Variants in PHF21B observed in about 807,000 individuals in gnomAD.
The protein encoded by PHF21B is PHD finger protein 21B.
In PHF21B, 22 loss-of-function variants were observed where a neutral mutation model predicts 62.2. The ratio of observed to expected loss-of-function variants is 0.35; its 90% CI spans 0.25 to 0.51. PHF21B has a LOEUF of 0.51. Ranked by LOEUF, PHF21B falls within the 20% of genes least tolerant of loss-of-function variation. The pLI is 0.97. For missense variants in PHF21B, 701 were observed against 707.9 expected, an observed-to-expected ratio of 0.99 and a Z score of 0.11; for synonymous variants, 341 against 314.7, an observed-to-expected ratio of 1.08 and a Z score of -0.88.
Position 44,994,725 on chromosome 22 carries a change from C to T in PHF21B, c.120+13820G>A, listed in dbSNP as rs558229444. On this transcript the variant is annotated intron_variant, in intron 2 of 12. Transcript: ENST00000313237. ...GGCCCAGTGCTTCAGACCTACTTTC[C>T]TCCCCTGGCACCCACTTCATCTCAT... Among the ~76,000 whole-genome samples the T allele has an allele frequency of 6.6e-5, 10 of 152,342 alleles. No homozygotes were observed. The South Asian group carries it at 1.9e-3, about 28-fold the overall frequency.
rs570111550 is a variant in PHF21B at position 44,994,500 on chromosome 22, A to G, written c.120+14045T>C. On this transcript the variant is annotated intron_variant, in intron 2 of 12. Coordinates refer to ENST00000313237, the MANE Select transcript of PHF21B (RefSeq NM_138415.5). ...CCGGAGGGAGTGCGGCCCTGCTGAC[A>G]CTTTCCTTTCAGACTTCTGGCCTCC... Among the ~76,000 whole-genome samples, 65 of 152,344 alleles carry G rather than the reference A, an allele frequency of 4.3e-4. No individual in the cohort carries two copies. The South Asian group carries it at 0.012, about 28-fold the overall frequency.
intron 2 of PHF21B, among the ~76,000 whole-genome samples, chr22:44,985,370 C>T (rs1177406349): frequency 6.6e-6 from 1 of 152,196 alleles, no homozygotes; most frequent in Non-Finnish European, 1.5e-5. Flanking sequence ...AAGGCCAACA[C>T]TTGCAAGCTC....
In PHF21B at chr22:44,951,101, G is replaced by C. The variant is rs865880876; in HGVS notation, c.121-30611C>G. On this transcript the variant is annotated intron_variant, in intron 2 of 12. Coordinates refer to ENST00000313237, the MANE Select transcript of PHF21B (RefSeq NM_138415.5). ...AAGCCTGCCACCAGATGCAGCTTAA[G>C]CACCCGCCACTCACAGATATGGTTT... Among the ~76,000 whole-genome samples the C allele has an allele frequency of 4.1e-4, 63 of 152,228 alleles. No individual in the cohort carries two copies. In the Middle Eastern group the frequency reaches 0.014, roughly 33 times the overall value.
chr22:44,960,140 C>T (rs2072388479), intron 2 of PHF21B, among the ~76,000 whole-genome samples: 1 of 152,130 alleles, frequency 6.6e-6, no homozygotes, highest in Admixed American at 6.5e-5. Flanking sequence ...TAAACATCCG[C>T]CTGAAAAGAC....
chr22:45,008,615 G>A lies in PHF21B; in HGVS notation c.55-5C>T, dbSNP rs575064137. ...CTGCTTCTTGAGGTCGCCGTTCTGCGGAAACACGGAGGAGCGGGCTCAGGC... is the reference window on the plus strand; with the variant it reads ...CTGCTTCTTGAGGTCGCCGTTCTGCAGAAACACGGAGGAGCGGGCTCAGGC... On this transcript the variant is annotated splice_polypyrimidine_tract_variant and splice_region_variant and intron_variant, in intron 1 of 12. Coordinates refer to ENST00000313237, the MANE Select transcript of PHF21B (RefSeq NM_138415.5). The A allele has an allele frequency of 1.3e-6, 2 of 1,583,868 alleles. No homozygotes were observed. Among genetic ancestry groups the A allele is most frequent in the African/African-American group, 2.7e-5 (2 of 74,406 alleles).
At chr22:44,966,453 TTGG>T (rs2072527787) in intron 2 of PHF21B, among the ~76,000 whole-genome samples, 1 of 152,146 alleles carries the variant, frequency 6.6e-6, no homozygotes, top group Non-Finnish European at 1.5e-5. Context: ...ACTGGGAGCT[TTGG>T]GGCCACTGCA....
At chr22:44,885,569 A>G (rs1402666709) in intron 11 of PHF21B, 40 bp from the exon 12 acceptor site, 18 of 1,543,004 alleles carry the variant, frequency 1.2e-5, no homozygotes, top group Non-Finnish European at 1.6e-5. Context: ...AGGGGCAGGT[A>G]AGGAGCGGCT....
chr22:44,932,076 A>C (rs1443346578), intron 2 of PHF21B, among the ~76,000 whole-genome samples: 1 of 152,166 alleles, frequency 6.6e-6, no homozygotes, highest in Non-Finnish European at 1.5e-5. Flanking sequence ...AGGCCGTGTC[A>C]CTCAACAGAG....
At chr22:44,895,084 G>T (rs2071033728) in intron 6 of PHF21B, among the ~76,000 whole-genome samples, 1 of 152,238 alleles carries the variant, frequency 6.6e-6, no homozygotes. Context: ...GTTTACCAGG[G>T]TATGTGCTTT....
intron 2 of PHF21B, among the ~76,000 whole-genome samples, chr22:44,962,139 T>C (rs1053571669): frequency 1.3e-5 from 2 of 152,194 alleles, no homozygotes; most frequent in African/African-American, 2.4e-5. Flanking sequence ...GTTAATGGGA[T>C]TGCTGGGTCG....
chr22:45,007,713 AAGGGGCGGGTGTGCGAGTGCG>A lies in PHF21B; in HGVS notation c.120+811_120+831del, dbSNP rs1569290254. ...AAGGGGCGGGTGTGCGAGCGCGGGG[AAGGGGCGGGTGTGCGAGTGCG>A]GGGAGGGGGCGCGGCGGGGGAGGGG... On this transcript the variant is annotated intron_variant, in intron 2 of 12. Coordinates refer to ENST00000313237, the MANE Select transcript of PHF21B (RefSeq NM_138415.5). Among the ~76,000 whole-genome samples, 166 of 20,376 alleles carry A rather than the reference AAGGGGCGGGTGTGCGAGTGCG, an allele frequency of 8.1e-3. 3 individuals carry two copies. The highest frequency in any genetic ancestry group is 0.02 in the Non-Finnish European group (139 of 6,818). 13.4% of individuals were successfully genotyped at this position (20,376 alleles called of 152,430 possible). A position where few individuals can be genotyped will look rare whatever the true frequency, so the allele number is the denominator to read the frequency against.
At chr22:44,929,244 T>C (rs2071693178) in intron 2 of PHF21B, among the ~76,000 whole-genome samples, 1 of 152,200 alleles carries the variant, frequency 6.6e-6, no homozygotes, top group Non-Finnish European at 1.5e-5. Flanking sequence ...ACAGATGAAA[T>C]CCAACTGCCG....
intron 5 of PHF21B, among the ~76,000 whole-genome samples, chr22:44,897,440 T>C (rs553718801): frequency 6.6e-6 from 1 of 152,110 alleles, no homozygotes; most frequent in South Asian, 2.1e-4. Flanking sequence ...AAGACCCCTG[T>C]TGGTGACGGG....
At chr22:44,931,766 G>A (rs1205717605) in intron 2 of PHF21B, among the ~76,000 whole-genome samples, 2 of 152,118 alleles carry the variant, frequency 1.3e-5, no homozygotes, top group African/African-American at 4.8e-5. Flanking sequence ...CTGCCGTGGA[G>A]GGTGTCCGTG....
chr22:44,959,108 C>T (rs1264927479), intron 2 of PHF21B, among the ~76,000 whole-genome samples: 1 of 152,174 alleles, frequency 6.6e-6, no homozygotes, highest in East Asian at 1.9e-4. Flanking sequence ...GGCCTCCTCT[C>T]CCTCTCAGAT....
chr22:44,955,772 T>C lies in PHF21B; in HGVS notation c.121-35282A>G, dbSNP rs149489899. On this transcript the variant is annotated intron_variant, in intron 2 of 12. Coordinates refer to ENST00000313237, the MANE Select transcript of PHF21B (RefSeq NM_138415.5). ...TCACGGGACTTCTCAGCCTCCACCA[T>C]TGCAGGAGCTGGTTCCCCAGATCAA... 1.2e-3 allele frequency among the ~76,000 whole-genome samples: 190 copies of C among 152,268 alleles called. 1 individual carries two copies. The highest frequency in any genetic ancestry group is 4.2e-3 in the African/African-American group (176 of 41,560).
At chr22:44,975,723 C>T (rs2072725483) in intron 2 of PHF21B, among the ~76,000 whole-genome samples, 1 of 152,236 alleles carries the variant, frequency 6.6e-6, no homozygotes, top group Non-Finnish European at 1.5e-5. Context: ...AGAGGCTGCC[C>T]TGAGTGCTGT....
chr22:44,936,871 T>TTTC (rs59316509), intron 2 of PHF21B, among the ~76,000 whole-genome samples: 112 of 4,010 alleles, frequency 0.028, no homozygotes, highest in East Asian at 0.18. Flanking sequence ...ACTTTCTTTC[T>TTTC]TTTTTTTTTT....
At chr22:44,984,835 C>A (rs2072918231) in intron 2 of PHF21B, among the ~76,000 whole-genome samples, 2 of 152,204 alleles carry the variant, frequency 1.3e-5, no homozygotes, top group Admixed American at 1.3e-4. Context: ...AACACAACTA[C>A]AAGCCCTGCA....
Sources: allele counts gnomAD v4.1 joint callset (sites outside exome capture counted in the v4.1 genomes callset), GRCh38; gene constraint gnomAD v4.1.1; transcripts MANE v1.5; gene names NCBI Gene and HGNC (gene_info 2026-07-23, HGNC 2026-07-21).